Variants in CSMD3 observed in about 807,000 individuals in gnomAD.
CSMD3 encodes the protein CUB and Sushi multiple domains 3, also known as CUB and sushi domain-containing protein 3.
In CSMD3, 177 loss-of-function variants were observed where a neutral mutation model predicts 435.2. That is an observed-to-expected ratio of 0.41 (90% CI 0.36 to 0.46). CSMD3 has a LOEUF of 0.46. CSMD3 is among the 20% of genes least tolerant of loss of function. CSMD3 has a pLI of 0.34. For synonymous variants in CSMD3, 1,656 were observed against 1,520.5 expected, an observed-to-expected ratio of 1.09 and a Z score of -2.07; for missense variants, 4,265 against 4,504.6, an observed-to-expected ratio of 0.95 and a Z score of 1.52.
chr8:113,228,513 T>C lies in CSMD3; in HGVS notation c.514+50079A>G, dbSNP rs1463015816. Among the ~76,000 whole-genome samples, 3 of 151,586 alleles carry C rather than the reference T, an allele frequency of 2.0e-5. No homozygotes were observed. The East Asian group carries it at 5.9e-4, about 30-fold the overall frequency. On this transcript the variant is annotated intron_variant, in intron 3 of 70. Coordinates refer to ENST00000297405, the MANE Select transcript of CSMD3 (RefSeq NM_198123.2). Reference sequence around the variant, plus strand: ...ATTCCCTATACTGGAAAAGATATCATACTCACAGAATGCCATGAAAAGGGA... The same window carrying C: ...ATTCCCTATACTGGAAAAGATATCACACTCACAGAATGCCATGAAAAGGGA...
intron 4 of CSMD3, among the ~76,000 whole-genome samples, chr8:113,152,559 A>G (rs2091833553): frequency 6.6e-6 from 1 of 152,250 alleles, no homozygotes; most frequent in Non-Finnish European, 1.5e-5. Flanking sequence ...AGCTTTAAAT[A>G]GAATTAACAA....
intron 13 of CSMD3, among the ~76,000 whole-genome samples, chr8:112,723,030 A>C (rs1254560851): frequency 6.6e-6 from 1 of 151,906 alleles, no homozygotes; most frequent in African/African-American, 2.4e-5. Context: ...TCATTTGTTG[A>C]CAAGTAGCAA....
intron 5 of CSMD3, among the ~76,000 whole-genome samples, chr8:113,082,655 A>T (rs2089610176): frequency 6.6e-6 from 1 of 152,158 alleles, no homozygotes; most frequent in African/African-American, 2.4e-5. Flanking sequence ...TCAAAATAAT[A>T]ATTTTAAGGA....
In CSMD3 at chr8:112,224,923, G is replaced by T. The variant is rs767542318; in HGVS notation, c.10972C>A (p.Pro3658Thr). The change falls in exon 71 of 71, where the codon CCT becomes ACT. Residue 3658 changes from proline (P) to threonine (T), a missense_variant. This residue lies in a region of CSMD3 where 3,255 missense variants were observed against 3,380.2 expected (regional missense o/e 0.96). Coordinates refer to ENST00000297405, the MANE Select transcript of CSMD3 (RefSeq NM_198123.2). Reference sequence around the variant, plus strand: ...GAACATCCTGTATACTGTGTTTTAGGTGCAGTCCTGTTGATGAGAACATTG... The same window carrying T: ...GAACATCCTGTATACTGTGTTTTAGTTGCAGTCCTGTTGATGAGAACATTG... ...GFYLYKQRTA[P>T]KTQYTGCSVH... 2 of 1,613,766 alleles carry T rather than the reference G, an allele frequency of 1.2e-6. No homozygotes were observed. The highest frequency in any genetic ancestry group is 1.7e-6 in the Non-Finnish European group (2 of 1,179,860).
intron 11 of CSMD3, among the ~76,000 whole-genome samples, chr8:112,831,965 C>A (rs1751154094): frequency 1.3e-5 from 2 of 152,018 alleles, no homozygotes; most frequent in South Asian, 4.1e-4. Context: ...GATACTAATC[C>A]CTTACATTAT....
intron 19 of CSMD3, among the ~76,000 whole-genome samples, chr8:112,648,090 G>A (rs937184639): frequency 4.6e-5 from 7 of 152,266 alleles, no homozygotes; most frequent in African/African-American, 1.4e-4. Context: ...ACAAGCATTA[G>A]GCAACCTAGG....
At chr8:113,315,714 A>G (rs1276935223) in intron 1 of CSMD3, among the ~76,000 whole-genome samples, 1 of 134,226 alleles carries the variant, frequency 7.5e-6, no homozygotes, top group Non-Finnish European at 1.7e-5. Context: ...TATCAAATAT[A>G]TATATTAAAT....
intron 1 of CSMD3, among the ~76,000 whole-genome samples, chr8:113,324,782 A>AATAC (rs1482264200): frequency 1.3e-5 from 2 of 152,160 alleles, no homozygotes; most frequent in African/African-American, 4.8e-5. Context: ...TGGAAAAGCC[A>AATAC]CAGACACTCA....
chr8:112,601,845 G>A (rs940276947), intron 22 of CSMD3, among the ~76,000 whole-genome samples: 2 of 152,128 alleles, frequency 1.3e-5, no homozygotes, highest in Non-Finnish European at 2.9e-5. Flanking sequence ...ATGGAAATAT[G>A]CTCTCTACGA....
intron 13 of CSMD3, among the ~76,000 whole-genome samples, chr8:112,787,022 T>C (rs2078561029): frequency 6.6e-6 from 1 of 152,108 alleles, no homozygotes. Flanking sequence ...CTGAGAATAA[T>C]GGTTTCCAGC....
At chr8:113,219,251 A>G (rs2092940485) in intron 3 of CSMD3, among the ~76,000 whole-genome samples, 1 of 151,402 alleles carries the variant, frequency 6.6e-6, no homozygotes, top group Non-Finnish European at 1.5e-5. Flanking sequence ...GGAAAAGGAA[A>G]CTGAAGAAAT....
rs919032210 is a variant in CSMD3 at position 112,909,689 on chromosome 8, A to C, written c.1633+11938T>G. The stretch of plus-strand genomic sequence containing the variant: ...ATAAGCTAAAGATGGCTGAAAAGGG[A>C]CAGTGGGAGTGCAAATGAAGTGCAG... On this transcript the variant is annotated intron_variant, in intron 10 of 70. Transcript: ENST00000297405. Among the ~76,000 whole-genome samples the C allele has an allele frequency of 6.6e-5, 10 of 151,878 alleles. No homozygotes were observed. The East Asian group carries it at 2.0e-3, about 30-fold the overall frequency.
Position 113,017,961 on chromosome 8 carries a change from T to C in CSMD3, c.1030+1106A>G, listed in dbSNP as rs930517176. Among the ~76,000 whole-genome samples, 4 of 152,050 alleles carry C rather than the reference T, an allele frequency of 2.6e-5. No individual in the cohort carries two copies. The East Asian group carries it at 5.8e-4, about 22-fold the overall frequency. ...TTCTATTATGATACATGTTAACACA[T>C]TGCATAGTTTTAAAAGCATATTTGC... On this transcript the variant is annotated intron_variant, in intron 6 of 70. Transcript: ENST00000297405.
chr8:113,168,253 G>A (rs1370868914), intron 4 of CSMD3, among the ~76,000 whole-genome samples: 2 of 151,866 alleles, frequency 1.3e-5, no homozygotes, highest in East Asian at 1.9e-4. Flanking sequence ...TAGACTGGAC[G>A]TGGTGGCTCA....
chr8:113,122,135 G>A (rs1248887826), intron 4 of CSMD3, among the ~76,000 whole-genome samples: 1 of 152,062 alleles, frequency 6.6e-6, no homozygotes, highest in Non-Finnish European at 1.5e-5. Flanking sequence ...AAGTCTACAG[G>A]AACATAGCTA....
intron 70 of CSMD3, among the ~76,000 whole-genome samples, chr8:112,225,943 T>C (rs1184216687): frequency 2.0e-5 from 3 of 152,152 alleles, no homozygotes; most frequent in African/African-American, 2.4e-5. Context: ...ACATTTGTAA[T>C]GGAAAAAAGG....
chr8:112,932,189 A>T (rs909546021), intron 9 of CSMD3, among the ~76,000 whole-genome samples: 11 of 152,210 alleles, frequency 7.2e-5, no homozygotes, highest in Admixed American at 6.5e-4. Context: ...TATGAAATCA[A>T]TCTAAGTGTC....
intron 24 of CSMD3, among the ~76,000 whole-genome samples, chr8:112,559,931 C>A (rs1828466552): frequency 6.6e-6 from 1 of 151,406 alleles, no homozygotes; most frequent in East Asian, 1.9e-4. Flanking sequence ...TCACTTAAGA[C>A]AAAAATGCTG....
chr8:112,574,407 A>G (rs1829778516), intron 23 of CSMD3, among the ~76,000 whole-genome samples: 2 of 152,096 alleles, frequency 1.3e-5, no homozygotes, highest in African/African-American at 4.8e-5. Flanking sequence ...TGCCACTACA[A>G]GTAATGCTGA....
Sources: allele counts gnomAD v4.1 joint callset (sites outside exome capture counted in the v4.1 genomes callset), GRCh38; gene constraint gnomAD v4.1.1; regional missense constraint gnomAD v4.1.1; transcripts MANE v1.5; gene names NCBI Gene and HGNC (gene_info 2026-07-23, HGNC 2026-07-21).